Variants in COPS9 observed in about 807,000 individuals in gnomAD.
COPS9 encodes COP9 signalosome subunit 9, also known as COP9 signalosome complex subunit 9.
Under a neutral mutation model 7.2 loss-of-function variants are expected in COPS9, and 8 were observed. That is an observed-to-expected ratio of 1.11 (90% confidence interval 0.65 to 2.00). COPS9 has a LOEUF of 2.00. COPS9 is among the 30% of genes most tolerant of loss of function. The probability of loss-of-function intolerance (pLI) is 0.00; values close to 1 mark genes in which losing one functional copy is unlikely to be tolerated. For synonymous variants in COPS9, 39 were observed against 28.7 expected (o/e 1.36, Z -1.14); for missense variants, 74 against 77.7 (o/e 0.95, Z 0.18).
At chr2:240,129,825 A>T, downstream of COPS9, 2 of 1,208,418 alleles carry the variant, frequency 1.7e-6, no homozygotes, top group Non-Finnish European at 2.4e-6. Flanking sequence ...CCTCGCCTGC[A>T]GATAAGCCAC....
intron 1 of COPS9, 84 bp downstream of exon 1, chr2:240,136,138 C>A: frequency 1.5e-6 from 2 of 1,374,780 alleles, no homozygotes; most frequent in Admixed American, 3.6e-5. Flanking sequence ...CTCCCCTCCC[C>A]GGGACCCGCG....
Position 240,131,010 on chromosome 2 carries a change from C to G in COPS9, c.*41G>C. 6.2e-7 allele frequency: 1 copy of G among 1,610,384 alleles called. No homozygotes were observed. Among genetic ancestry groups the G allele is most frequent in the Non-Finnish European group, 8.5e-7 (1 of 1,178,574 alleles). ...TCCTGCGCAGGCTCACACTGCGGCT[C>G]TGTACCAAGGGCTTGGCCCCGCCTG... is the stretch of plus-strand genomic sequence containing the variant. On this transcript the variant is annotated 3_prime_UTR_variant, in exon 3 of 3. Coordinates refer to ENST00000607357, the MANE Select transcript of COPS9 (RefSeq NM_001163424.2).
chr2:240,134,416 C>G (rs375832699), intron 1 of COPS9: 1 of 173,826 alleles, frequency 5.8e-6, no homozygotes, highest in Non-Finnish European at 1.2e-5. Flanking sequence ...ACCACTTCCC[C>G]GAGGAAACTG....
At chr2:240,136,113 G>T in intron 1 of COPS9, 109 bp downstream of exon 1, 1 of 1,324,266 alleles carries the variant, frequency 7.6e-7, no homozygotes, top group East Asian at 3.1e-5. Context: ...CGCGCCCATC[G>T]CCCACCCGCC....
intron 1 of COPS9, chr2:240,134,381 C>T (rs1306134715): frequency 5.2e-6 from 1 of 192,768 alleles, no homozygotes; most frequent in Non-Finnish European, 1.1e-5. Flanking sequence ...CTCAGGATCC[C>T]TTCCCTCTCT....
chr2:240,130,583 C>T (rs1226717391), downstream of COPS9, among the ~76,000 whole-genome samples: 3 of 152,256 alleles, frequency 2.0e-5, no homozygotes, highest in African/African-American at 2.4e-5. Context: ...CCTGCCCACA[C>T]AGCAGAGGGG....
chr2:240,134,345 A>C, intron 1 of COPS9: 2 of 232,546 alleles, frequency 8.6e-6, no homozygotes, highest in African/African-American at 2.3e-5. Context: ...GGCCACAAAC[A>C]TGCGAAATTG....
At chr2:240,127,377 TCTCA>T (rs1004503376), downstream of COPS9, among the ~76,000 whole-genome samples, 7 of 152,148 alleles carry the variant, frequency 4.6e-5, no homozygotes, top group African/African-American at 1.2e-4. Flanking sequence ...TCTCTCTCTC[TCTCA>T]AACACACACT....
chr2:240,131,184 G>A (rs2071918451), intron 2 of COPS9, 96 bp from the exon 3 acceptor site: 1 of 1,327,024 alleles, frequency 7.5e-7, no homozygotes, highest in African/African-American at 1.5e-5. Flanking sequence ...AAAATACAGA[G>A]ATAATCGTCA....
At chr2:240,126,916 C>T, downstream of COPS9, 2 of 1,613,846 alleles carry the variant, frequency 1.2e-6, no homozygotes, top group Non-Finnish European at 1.7e-6. Flanking sequence ...AAAGCTGCCA[C>T]TTCTCTCCCG....
At chr2:240,135,631 T>G (rs2071969221) in intron 1 of COPS9, among the ~76,000 whole-genome samples, 1 of 152,112 alleles carries the variant, frequency 6.6e-6, no homozygotes, top group Non-Finnish European at 1.5e-5. Flanking sequence ...CCAAGACGAC[T>G]GTATAATCCT....
At chr2:240,134,328 C>T (rs769210321) in intron 1 of COPS9, 5 of 259,200 alleles carry the variant, frequency 1.9e-5, no homozygotes, top group Non-Finnish European at 2.9e-5. Flanking sequence ...CGCCGGACAT[C>T]GCCAGAGGCC....
At chr2:240,126,784 C>A (rs74526284), downstream of COPS9, 1 of 1,614,226 alleles carries the variant, frequency 6.2e-7, no homozygotes, top group Non-Finnish European at 8.5e-7. Flanking sequence ...CTTAAGCGTC[C>A]TGTGCCCATT....
chr2:240,130,749 C>A, downstream of COPS9: 8 of 1,256,088 alleles, frequency 6.4e-6, no homozygotes, highest in Non-Finnish European at 8.1e-6. Context: ...CACGCACATG[C>A]ATGCACACAC....
downstream of COPS9, chr2:240,126,829 G>A (rs907919598): frequency 1.9e-6 from 3 of 1,614,218 alleles, no homozygotes; most frequent in African/African-American, 2.7e-5. Context: ...GTGCCACACA[G>A]CGGATGTTCT....
chr2:240,131,333 G>A (rs961932601), intron 2 of COPS9, among the ~76,000 whole-genome samples: 3 of 152,240 alleles, frequency 2.0e-5, no homozygotes, highest in Admixed American at 6.5e-5. Flanking sequence ...CTAAGAAAAT[G>A]CATGCAGGGC....
intron 2 of COPS9, among the ~76,000 whole-genome samples, chr2:240,133,548 G>A (rs1250990067): frequency 2.0e-5 from 3 of 152,210 alleles, no homozygotes; most frequent in African/African-American, 7.2e-5. Flanking sequence ...GGCTGGGAGA[G>A]GAAAGGAAAC....
chr2:240,126,632 A>C (rs201508038), downstream of COPS9: 32 of 1,614,190 alleles, frequency 2.0e-5, no homozygotes, highest in East Asian at 6.0e-4. Context: ...ATGGTGTTTC[A>C]TCACTCTTAA....
rs1384914546 is a variant in COPS9 at position 240,132,049 on chromosome 2, G to A, written c.137-961C>T. On this transcript the variant is annotated intron_variant, in intron 2 of 2. Coordinates refer to ENST00000607357, the MANE Select transcript of COPS9 (RefSeq NM_001163424.2). The surrounding 1 kb of genome is among the most constrained non-coding windows in gnomAD (Gnocchi z 4.1). ...TGCTGGTTGTGGTTCGCCGCTAGGA[G>A]CACTTTTGCGCAGTCCTGGGCCTGG... 6.6e-6 allele frequency among the ~76,000 whole-genome samples: 1 copy of A among 152,154 alleles called. No homozygotes were observed. The highest frequency in any genetic ancestry group is 1.5e-5 in the Non-Finnish European group (1 of 68,028).
Sources: gnomAD v4.1 joint callset for allele counts (sites outside exome capture counted in the v4.1 genomes callset) on GRCh38, gnomAD v4.1.1 for gene constraint, Gnocchi (gnomAD v3.1) non-coding constraint, MANE v1.5 for transcripts, NCBI Gene and HGNC (gene_info 2026-07-23, HGNC 2026-07-21) for gene names.